The following CEP120 variants were observed in gnomAD, a reference collection of about 807,000 sequenced individuals.
The protein encoded by CEP120 is centrosomal protein 120.
CEP120 carries 113 observed loss-of-function variants against 126.5 expected under a neutral mutation model. The ratio of observed to expected loss-of-function variants is 0.89; its 90% CI spans 0.77 to 1.04. The LOEUF (loss-of-function observed/expected upper bound fraction) is 1.04, where lower values mean the gene tolerates loss of function less well. Among genes scored for constraint, CEP120 ranks in the 50% least tolerant of loss-of-function variants. CEP120 has a pLI of 0.00. For synonymous variants in CEP120, 400 were observed against 394.3 expected, an observed-to-expected ratio of 1.01 and a Z score of -0.17; for missense variants, 1,230 against 1,155.7, an observed-to-expected ratio of 1.06 and a Z score of -0.93.
At position 123,423,264 on chromosome 5, in the gene CEP120, G is replaced by A; in HGVS notation, c.-266C>T. ...CCTGCCAGTCTGCAAGCAGAGACAA[G>A]CCCGCCACCCGAGGACCTTTTGCCG... On this transcript the variant is annotated 5_prime_UTR_variant, in exon 1 of 20. Coordinates refer to ENST00000306467, the MANE Select transcript of CEP120 (RefSeq NM_001375405.1). 2.1e-6 allele frequency: 1 copy of A among 482,816 alleles called. No homozygotes were observed. Among genetic ancestry groups the A allele is most frequent in the Non-Finnish European group, 3.7e-6 (1 of 271,408 alleles). The allele number at this position is 482,816 out of a possible 1,614,324, so 29.9% of individuals were successfully genotyped here. A position where few individuals can be genotyped will look rare whatever the true frequency, so the allele number is the denominator to read the frequency against.
chr5:123,423,002 T>G lies in CEP120; in HGVS notation c.-4A>C. On this transcript the variant is annotated 5_prime_UTR_variant, in exon 1 of 20. Coordinates refer to ENST00000306467, the MANE Select transcript of CEP120 (RefSeq NM_001375405.1). ...ATTGGTCGGATTTGGAGACCATGGT[T>G]GCGGTGAGCGGTCCGGGGGCGAAGG... The G allele has an allele frequency of 1.2e-6, 2 of 1,613,992 alleles. No individual in the cohort carries two copies. Among genetic ancestry groups the G allele is most frequent in the Non-Finnish European group, 8.5e-7 (1 of 1,179,928 alleles).
intron 18 of CEP120, among the ~76,000 whole-genome samples, chr5:123,358,753 T>TG (rs1769846780): frequency 6.6e-6 from 1 of 152,054 alleles, no homozygotes; most frequent in Non-Finnish European, 1.5e-5. Flanking sequence ...CCAGGTGCTC[T>TG]GGGTTAAAGG....
chr5:123,397,983 C>A (rs1421148504), intron 5 of CEP120, among the ~76,000 whole-genome samples: 2 of 152,006 alleles, frequency 1.3e-5, no homozygotes, highest in Non-Finnish European at 2.9e-5. Flanking sequence ...ACTCAGGAGG[C>A]TGAGGCAGAA....
intron 4 of CEP120, chr5:123,400,853 G>C: frequency 3.0e-6 from 3 of 991,232 alleles, no homozygotes; most frequent in Non-Finnish European, 4.8e-6. Context: ...ACCCTGCATA[G>C]TGACCTCCCT....
At chr5:123,359,326 T>C (rs1458764510) in intron 18 of CEP120, among the ~76,000 whole-genome samples, 3 of 152,042 alleles carry the variant, frequency 2.0e-5, no homozygotes, top group African/African-American at 4.8e-5. Flanking sequence ...AAATGTTAAA[T>C]TGTCTACAAC....
rs917117056 is a variant in CEP120 at position 123,423,315 on chromosome 5, C to G, written c.-317G>C. 3.1e-5 allele frequency: 11 copies of G among 353,742 alleles called. No homozygotes were observed. The highest frequency in any genetic ancestry group is 1.4e-4 in the Admixed American group (3 of 21,972). 21.9% of individuals were successfully genotyped at this position (353,742 alleles called of 1,614,324 possible). A position where few individuals can be genotyped will look rare whatever the true frequency, so the allele number is the denominator to read the frequency against. ...CCTGCGTAGCCGCTTTTCAAACGCC[C>G]GGGCGGCCGCAGCGGCCGCCGCCGC... On this transcript the variant is annotated 5_prime_UTR_variant, in exon 1 of 20. Transcript: ENST00000306467.
chr5:123,395,851 T>A (rs945703174), intron 5 of CEP120, among the ~76,000 whole-genome samples: 2 of 151,728 alleles, frequency 1.3e-5, no homozygotes, highest in African/African-American at 4.8e-5. Context: ...CCAGCTAATT[T>A]TTTTGTATTT....
At chr5:123,379,826 G>A (rs1771516293) in intron 14 of CEP120, among the ~76,000 whole-genome samples, 1 of 151,994 alleles carries the variant, frequency 6.6e-6, no homozygotes, top group Non-Finnish European at 1.5e-5. Context: ...TTCCTCAAGG[G>A]GCTGTGTCCG....
Position 123,418,588 on chromosome 5 carries a change from T to C in CEP120, c.50-73A>G, listed in dbSNP as rs190558059. The stretch of plus-strand genomic sequence containing the variant: ...ACAGGATCATTTACCATGTGTTTTT[T>C]TGTTTGGCTGGTTTTTTTTTTTTTT... On this transcript the variant is annotated intron_variant, in intron 1 of 19. Transcript: ENST00000306467. The C allele has an allele frequency of 9.9e-5, 133 of 1,347,542 alleles. 1 individual carries two copies. In the East Asian group the frequency reaches 3.3e-3, roughly 34 times the overall value. The allele number at this position is 1,347,542 out of a possible 1,614,324, so 83.5% of individuals were successfully genotyped here.
Position 123,349,985 on chromosome 5 carries a change from G to T in CEP120, c.2685C>A (p.Thr895=). Reference sequence around the variant, plus strand: ...TTATATCCAACAATTCTTGTCGCTCGGTTTTTACTGTATCTTTTTCCTCAG... The same window carrying T: ...TTATATCCAACAATTCTTGTCGCTCTGTTTTTACTGTATCTTTTTCCTCAG... ...LAAEEKDTVK[T]ERQELLDIRN... The change falls in exon 19 of 20, where the codon ACC becomes ACA. Residue 895 remains threonine, a synonymous_variant. Transcript: ENST00000306467. The T allele has an allele frequency of 6.2e-7, 1 of 1,613,488 alleles. No individual in the cohort carries two copies. The highest frequency in any genetic ancestry group is 8.5e-7 in the Non-Finnish European group (1 of 1,179,790).
At chr5:123,374,685 G>T (rs1001857587) in intron 16 of CEP120, among the ~76,000 whole-genome samples, 3 of 152,080 alleles carry the variant, frequency 2.0e-5, no homozygotes, top group Non-Finnish European at 4.4e-5. Flanking sequence ...TTTAGGTAAT[G>T]TAGTGTTCCA....
chr5:123,357,945 T>A (rs1011062474), intron 18 of CEP120, among the ~76,000 whole-genome samples: 10 of 152,128 alleles, frequency 6.6e-5, no homozygotes, highest in Admixed American at 5.2e-4. Context: ...TAAATTAGTA[T>A]AACCACTTTA....
At position 123,423,235 on chromosome 5, in the gene CEP120, C is replaced by T. The variant is rs1163538426; in HGVS notation, c.-237G>A. The T allele has an allele frequency of 3.7e-6, 2 of 534,302 alleles. No individual in the cohort carries two copies. The highest frequency in any genetic ancestry group is 2.3e-5 in the South Asian group (1 of 43,102). The allele number at this position is 534,302 out of a possible 1,614,324, so 33.1% of individuals were successfully genotyped here. On this transcript the variant is annotated 5_prime_UTR_variant, in exon 1 of 20. Transcript: ENST00000306467. ...CCGACTCAAGGAAAAAGCCACGCTG[C>T]AGCCCTGCCAGTCTGCAAGCAGAGA...
chr5:123,352,618 C>T (rs187801892), intron 18 of CEP120, among the ~76,000 whole-genome samples: 29 of 152,104 alleles, frequency 1.9e-4, no homozygotes, highest in Admixed American at 5.2e-4. Flanking sequence ...TCTCAATATA[C>T]GACAGTTCTT....
At chr5:123,352,988 T>TA (rs1339623620) in intron 18 of CEP120, among the ~76,000 whole-genome samples, 8 of 152,066 alleles carry the variant, frequency 5.3e-5, no homozygotes, top group Non-Finnish European at 1.2e-4. Flanking sequence ...GCAAACTTGC[T>TA]AAACTCACTT....
Position 123,391,110 on chromosome 5 carries a change from C to T in CEP120, c.1038G>A (p.Gln346=). 1 of 1,610,268 alleles carries T rather than the reference C, an allele frequency of 6.2e-7. No homozygotes were observed. Among genetic ancestry groups the T allele is most frequent in the Non-Finnish European group, 8.5e-7 (1 of 1,177,596 alleles). Residue 346 remains glutamine (Q), a splice_region_variant and synonymous_variant, in exon 7 of 20, where the codon CAG becomes CAA. Transcript: ENST00000306467. ...GGAATGAAGGAGGGCCACTACTTGC[C>T]TGGGAGTCTATGCCTTCTCTCTGCA... The part of the protein sequence containing the change: ...VALQREGIDS[Q]SLIELKTQNE...
At chr5:123,350,156 C>T (rs1769110381) in intron 18 of CEP120, 67 bp from the exon 19 acceptor site, 4 of 1,399,064 alleles carry the variant, frequency 2.9e-6, no homozygotes, top group Non-Finnish European at 3.9e-6. Flanking sequence ...ATGACTTTGA[C>T]TTGTGATTAT....
intron 4 of CEP120, among the ~76,000 whole-genome samples, chr5:123,411,301 C>T (rs6889862): frequency 1.3e-5 from 2 of 151,926 alleles, no homozygotes; most frequent in South Asian, 4.1e-4. Context: ...CATACTCTTA[C>T]CACATGATCC....
intron 9 of CEP120, 146 bp from the exon 10 acceptor site, chr5:123,386,813 T>C (rs1580693362): frequency 1.7e-6 from 1 of 588,120 alleles, no homozygotes; most frequent in South Asian, 5.3e-5. Flanking sequence ...CATAGCAATC[T>C]GTCATCTGTG....
Sources: allele counts gnomAD v4.1 joint callset (sites outside exome capture counted in the v4.1 genomes callset), GRCh38; gene constraint gnomAD v4.1.1; transcripts MANE v1.5; gene names NCBI Gene and HGNC (gene_info 2026-07-23, HGNC 2026-07-21).